The following DLG5 variants were observed in gnomAD, a reference collection of about 807,000 sequenced individuals.
DLG5 encodes the protein disks large homolog 5.
In DLG5, 48 loss-of-function variants were observed where a neutral mutation model predicts 189.8. That is an observed-to-expected ratio of 0.25 (90% CI 0.20 to 0.32). The LOEUF is 0.32. DLG5 is among the 10% of genes least tolerant of loss of function. The pLI is 1.00. For missense variants in DLG5, 2,160 were observed against 2,544.7 expected (o/e 0.85, Z 3.25); for synonymous variants, 1,016 against 1,054.1 (o/e 0.96, Z 0.70).
chr10:77,871,728 G>C (rs71475688), intron 1 of DLG5, among the ~76,000 whole-genome samples: 1 of 151,616 alleles, frequency 6.6e-6, no homozygotes, highest in African/African-American at 2.4e-5. Context: ...ATTTTTAGTA[G>C]AGACAGGGTT....
intron 20 of DLG5, among the ~76,000 whole-genome samples, chr10:77,814,066 C>G (rs1183515364): frequency 6.6e-6 from 1 of 152,006 alleles, no homozygotes; most frequent in Non-Finnish European, 1.5e-5. Context: ...GCAATTCCAC[C>G]TCCTGGGTTC....
chr10:77,887,917 T>C (rs1845488279), intron 1 of DLG5, among the ~76,000 whole-genome samples: 2 of 152,198 alleles, frequency 1.3e-5, no homozygotes, highest in Admixed American at 1.3e-4. Context: ...GCGATTTTCA[T>C]CTGAAAAACT....
chr10:77,927,248 A>G (rs544887937), upstream of DLG5: 200 of 152,858 alleles, frequency 1.3e-3, 1 homozygote, highest in Non-Finnish European at 1.8e-3. Context: ...CCCGAGGCCC[A>G]GGCGCAGCCG....
chr10:77,805,582 G>A, intron 27 of DLG5, 83 bp downstream of exon 27: 1 of 1,449,242 alleles, frequency 6.9e-7, no homozygotes, highest in South Asian at 1.3e-5. Flanking sequence ...ACTCTCTTTT[G>A]TTTAAGTCCC....
chr10:77,819,257 G>A, intron 17 of DLG5, 64 bp downstream of exon 17: 2 of 1,610,118 alleles, frequency 1.2e-6, no homozygotes, highest in East Asian at 2.2e-5. Context: ...ATGCACTCAT[G>A]GTTCCATGTC....
chr10:77,829,027 T>C (rs756264948), intron 12 of DLG5, 42 bp from the exon 13 acceptor site: 37 of 1,591,120 alleles, frequency 2.3e-5, no homozygotes, highest in Non-Finnish European at 3.1e-5. Context: ...CTGGCCTCGC[T>C]GCCCAGCCCT....
intron 1 of DLG5, among the ~76,000 whole-genome samples, chr10:77,878,526 T>C (rs1845176057): frequency 6.6e-6 from 1 of 152,060 alleles, no homozygotes; most frequent in Admixed American, 6.5e-5. Context: ...TCACGCAGCC[T>C]TCCCTTGACT....
intron 1 of DLG5, among the ~76,000 whole-genome samples, chr10:77,910,092 C>T (rs928702310): frequency 1.3e-5 from 2 of 152,140 alleles, no homozygotes; most frequent in Non-Finnish European, 2.9e-5. Context: ...ATATCACGTC[C>T]TACGTCTACA....
intron 1 of DLG5, among the ~76,000 whole-genome samples, chr10:77,919,329 G>A (rs1187150317): frequency 6.6e-6 from 1 of 151,922 alleles, no homozygotes; most frequent in Non-Finnish European, 1.5e-5. Context: ...CATTAAATCA[G>A]ATTAACAGCA....
At chr10:77,934,371 C>CAAAA in the DLG5 span, among the ~76,000 whole-genome samples, 1 of 96,294 alleles carries the variant, frequency 1.0e-5, no homozygotes, top group African/African-American at 4.2e-5. Flanking sequence ...AACTCCATCT[C>CAAAA]AAAAAAAAAA....
intron 27 of DLG5, among the ~76,000 whole-genome samples, chr10:77,804,640 G>A (rs1234023965): frequency 1.3e-5 from 2 of 152,196 alleles, no homozygotes; most frequent in Admixed American, 1.3e-4. Flanking sequence ...TGCTTTAAAG[G>A]ACAAATGCAT....
At chr10:77,833,776 G>A in intron 9 of DLG5, 138 bp downstream of exon 9, 1 of 1,250,376 alleles carries the variant, frequency 8.0e-7, no homozygotes, top group South Asian at 1.4e-5. Flanking sequence ...GCAGAGTGAA[G>A]TGAAGGGACA....
Position 77,791,912 on chromosome 10 carries a change from CAGG to C in DLG5, c.*525_*527del, listed in dbSNP as rs1055495478. On this transcript the variant is annotated 3_prime_UTR_variant, in exon 32 of 32. Coordinates refer to ENST00000372391, the MANE Select transcript of DLG5 (RefSeq NM_004747.4). Reference sequence around the variant, plus strand: ...TTCCAGGAGAGGTGCCACCAAGGAGCAGGAGGTTTGTCAAAGCTCTGGTCCCAC... The same window carrying C: ...TTCCAGGAGAGGTGCCACCAAGGAGCAGGTTTGTCAAAGCTCTGGTCCCAC... The C allele has an allele frequency of 2.6e-5, 4 of 155,416 alleles. No individual in the cohort carries two copies. Among genetic ancestry groups the C allele is most frequent in the Non-Finnish European group, 5.7e-5 (4 of 70,010 alleles). 9.6% of individuals were successfully genotyped at this position (155,416 alleles called of 1,614,324 possible). A position where few individuals can be genotyped will look rare whatever the true frequency, so the allele number is the denominator to read the frequency against.
chr10:77,834,270 C>G (rs1331925032), intron 8 of DLG5, among the ~76,000 whole-genome samples: 1 of 152,112 alleles, frequency 6.6e-6, no homozygotes, highest in Non-Finnish European at 1.5e-5. Context: ...CCCACAGTCA[C>G]CCGGCAACAA....
In DLG5 at chr10:77,821,683, T is replaced by C. The variant is rs1411914654; in HGVS notation, c.2801A>G (p.Asp934Gly). Residue 934 changes from aspartate (D) to glycine (G), a missense_variant, in exon 15 of 32, where the codon GAC (aspartate) becomes GGC (glycine). Asp to Gly is a moderately conservative substitution (Grantham distance 94, BLOSUM62 -1). This residue lies in a region of DLG5 where 754 missense variants were observed against 746.5 expected (regional missense o/e 1.01). Transcript: ENST00000372391. ...GPCGVGEASL[D>G]KADSEGSNSG... is the part of the protein sequence containing the mutation. Reference sequence around the variant, plus strand: ...GTTGGAGCCTTCAGAGTCTGCCTTGTCCAGGGAGGCCTCCCCAACCCCACA... The same window carrying C: ...GTTGGAGCCTTCAGAGTCTGCCTTGCCCAGGGAGGCCTCCCCAACCCCACA... 3 of 1,612,678 alleles carry C rather than the reference T, an allele frequency of 1.9e-6. No individual in the cohort carries two copies. The highest frequency in any genetic ancestry group is 2.5e-6 in the Non-Finnish European group (3 of 1,179,780).
intron 13 of DLG5, among the ~76,000 whole-genome samples, chr10:77,826,913 A>T (rs1447076066): frequency 6.6e-6 from 1 of 152,170 alleles, no homozygotes; most frequent in African/African-American, 2.4e-5. Flanking sequence ...ACACCATTGT[A>T]CTCCAGCCTG....
At chr10:77,876,477 C>A (rs1845093964) in intron 1 of DLG5, among the ~76,000 whole-genome samples, 1 of 151,470 alleles carries the variant, frequency 6.6e-6, no homozygotes, top group African/African-American at 2.4e-5. Context: ...CAGGTTCAAG[C>A]TATTCTCGAG....
At position 77,878,426 on chromosome 10, in the gene DLG5, G is replaced by A. The variant is rs1230156055; in HGVS notation, c.305-9229C>T. On this transcript the variant is annotated intron_variant, in intron 1 of 31. Transcript: ENST00000372391. ...AACACCAGCTCTCGTTACTGTTACC[G>A]TCTCACAGGCTCCTAAGGAAGGCAG... is the stretch of plus-strand genomic sequence containing the variant. 6.6e-5 allele frequency among the ~76,000 whole-genome samples: 10 copies of A among 152,338 alleles called. No homozygotes were observed. The East Asian group carries it at 1.4e-3, about 21-fold the overall frequency.
At chr10:77,921,874 C>T (rs1846545203) in intron 1 of DLG5, among the ~76,000 whole-genome samples, 1 of 152,148 alleles carries the variant, frequency 6.6e-6, no homozygotes, top group Non-Finnish European at 1.5e-5. Flanking sequence ...GCAATGAGCA[C>T]GCGAGAGGTC....
Sources: gnomAD v4.1 joint callset for allele counts (sites outside exome capture counted in the v4.1 genomes callset) on GRCh38, gnomAD v4.1.1 for gene constraint, gnomAD v4.1.1 regional missense constraint, MANE v1.5 for transcripts, NCBI Gene and HGNC (gene_info 2026-07-23, HGNC 2026-07-21) for gene names.